Variants in IRAK1BP1 observed in about 807,000 individuals in gnomAD.
IRAK1BP1 encodes interleukin-1 receptor-associated kinase 1-binding protein 1.
Under a neutral mutation model 28.0 loss-of-function variants are expected in IRAK1BP1, and 24 were observed. That is an observed-to-expected ratio of 0.86 (90% CI 0.62 to 1.20). The LOEUF (loss-of-function observed/expected upper bound fraction) is 1.20. IRAK1BP1 is among the 50% of genes most tolerant of loss of function. IRAK1BP1 has a pLI of 0.00. For missense variants in IRAK1BP1, 336 were observed against 316.7 expected, an observed-to-expected ratio of 1.06 and a Z score of -0.46; for synonymous variants, 131 against 116.3, an observed-to-expected ratio of 1.13 and a Z score of -0.81.
intron 4 of IRAK1BP1, among the ~76,000 whole-genome samples, chr6:78,944,467 A>G (rs1169410694): frequency 1.3e-5 from 2 of 152,178 alleles, no homozygotes; most frequent in African/African-American, 4.8e-5. Flanking sequence ...CAAGCAAGAA[A>G]TTATGTAGGC....
At chr6:78,946,064 T>G (rs1185410694) in exon 5 of IRAK1BP1, 1 of 1,612,506 alleles carries the variant, frequency 6.2e-7, no homozygotes, top group Non-Finnish European at 8.5e-7. Flanking sequence ...GCTGAAGAAG[T>G]AGATGGTTGC....
rs928982153 is a variant in IRAK1BP1 at position 78,946,328 on chromosome 6, A to AT, written c.*993dup. The AT allele has an allele frequency of 3.4e-6, 5 of 1,468,000 alleles. No homozygotes were observed. In the African/African-American group the frequency reaches 5.7e-5, roughly 17 times the overall value. The allele number at this position is 1,468,000 out of a possible 1,614,324, so 90.9% of individuals were successfully genotyped here. ...GTGAACGAATAAAACAGTTTATAAT[A>AT]TTTTTGGATTCAATATTTGTACTAT... On this transcript the variant is annotated 3_prime_UTR_variant and NMD_transcript_variant, in exon 5 of 5. Transcript: ENST00000606868.
chr6:78,954,096 A>G, the IRAK1BP1 span, among the ~76,000 whole-genome samples: 1 of 152,112 alleles, frequency 6.6e-6, no homozygotes, highest in Non-Finnish European at 1.5e-5. Context: ...TTCACATTTA[A>G]AACTATTTTT....
chr6:78,916,422 A>T (rs1772562914), intron 4 of IRAK1BP1, among the ~76,000 whole-genome samples: 1 of 152,038 alleles, frequency 6.6e-6, no homozygotes, highest in Admixed American at 6.6e-5. Context: ...TGTAGAAGTC[A>T]CTCATCAATC....
In IRAK1BP1 at chr6:78,867,611, T is replaced by A. The variant is rs751448121; in HGVS notation, c.35T>A (p.Phe12Tyr). The A allele has an allele frequency of 2.5e-6, 4 of 1,614,208 alleles. No individual in the cohort carries two copies. In the South Asian group the frequency reaches 4.4e-5, roughly 18 times the overall value. The change falls in exon 1 of 4, where the codon TTC becomes TAC. Residue 12 changes from phenylalanine (F) to tyrosine (Y), a missense_variant. By Grantham distance (22) the Phe-to-Tyr change is conservative. Coordinates refer to ENST00000369940, the MANE Select transcript of IRAK1BP1 (RefSeq NM_001010844.4). ...SLQKTPPTRV[F>Y]VELVPWADRS... ...CAAAAGACCCCTCCGACCCGAGTGT[T>A]CGTGGAACTGGTTCCCTGGGCTGAC...
chr6:78,916,309 A>G (rs1439273409), intron 4 of IRAK1BP1, among the ~76,000 whole-genome samples: 1 of 152,014 alleles, frequency 6.6e-6, no homozygotes, highest in Non-Finnish European at 1.5e-5. Context: ...GATATCAGAA[A>G]ATGATTATGT....
intron 1 of IRAK1BP1, among the ~76,000 whole-genome samples, chr6:78,881,645 G>T (rs891120961): frequency 1.2e-4 from 18 of 152,130 alleles, no homozygotes; most frequent in South Asian, 2.1e-4. Flanking sequence ...ATAGGGGCAG[G>T]GACTGTCCTA....
At chr6:78,923,651 T>G (rs1005955775) in intron 4 of IRAK1BP1, among the ~76,000 whole-genome samples, 5 of 152,120 alleles carry the variant, frequency 3.3e-5, no homozygotes, top group African/African-American at 7.2e-5. Flanking sequence ...ATTCCAAAAT[T>G]GACCACATAG....
intron 4 of IRAK1BP1, among the ~76,000 whole-genome samples, chr6:78,909,252 A>G (rs750928117): frequency 6.6e-6 from 1 of 152,226 alleles, no homozygotes; most frequent in South Asian, 2.1e-4. Context: ...CAAGCCCATT[A>G]TAAGTTGAAA....
intron 4 of IRAK1BP1, among the ~76,000 whole-genome samples, chr6:78,934,721 A>G (rs944153960): frequency 6.6e-6 from 1 of 152,214 alleles, no homozygotes; most frequent in Non-Finnish European, 1.5e-5. Context: ...TAGACCTCAC[A>G]GATAATTTAA....
intron 4 of IRAK1BP1, among the ~76,000 whole-genome samples, chr6:78,915,465 C>G (rs978253947): frequency 7.2e-5 from 11 of 152,156 alleles, no homozygotes; most frequent in African/African-American, 2.4e-4. Flanking sequence ...GATCAAGGCC[C>G]GAGCAGCTGC....
chr6:78,946,326 A>G (rs1250916229), exon 5 of IRAK1BP1: 1 of 1,470,740 alleles, frequency 6.8e-7, no homozygotes, highest in Non-Finnish European at 9.2e-7. Context: ...ACAGTTTATA[A>G]TATTTTTGGA....
intron 4 of IRAK1BP1, among the ~76,000 whole-genome samples, chr6:78,934,298 CA>C (rs1228575393): frequency 1.3e-5 from 2 of 152,292 alleles, no homozygotes; most frequent in Non-Finnish European, 2.9e-5. Context: ...GGAAATATCG[CA>C]ATTACCAAAA....
At chr6:78,871,302 A>G (rs1770784281) in intron 1 of IRAK1BP1, 1 of 985,134 alleles carries the variant, frequency 1.0e-6, no homozygotes, top group Non-Finnish European at 1.2e-6. Context: ...TGCATATCTA[A>G]GTTCTAGTGC....
chr6:78,971,198 T>C, the IRAK1BP1 span, among the ~76,000 whole-genome samples: 93 of 152,396 alleles, frequency 6.1e-4, no homozygotes, highest in Middle Eastern at 3.4e-3. Flanking sequence ...CTAATAAGTT[T>C]ATTGTCCACT....
intron 4 of IRAK1BP1, among the ~76,000 whole-genome samples, chr6:78,934,007 A>G (rs937587820): frequency 2.0e-5 from 3 of 152,190 alleles, no homozygotes; most frequent in Non-Finnish European, 4.4e-5. Flanking sequence ...TTTTGATGAA[A>G]GTGAGAGACT....
intron 4 of IRAK1BP1, among the ~76,000 whole-genome samples, chr6:78,910,544 G>A (rs1040030219): frequency 5.3e-5 from 8 of 152,246 alleles, no homozygotes; most frequent in South Asian, 4.1e-4. Context: ...CGTAGACCTA[G>A]GTCGTGCGAT....
the IRAK1BP1 span, among the ~76,000 whole-genome samples, chr6:78,976,354 CACCTTAT>C: frequency 7.2e-6 from 1 of 138,970 alleles, no homozygotes; most frequent in Non-Finnish European, 1.6e-5. Flanking sequence ...CCCTTCCTTA[CACCTTAT>C]ACAAAAATCA....
chr6:78,878,332 G>GT (rs1771088587), intron 1 of IRAK1BP1, among the ~76,000 whole-genome samples: 1 of 152,220 alleles, frequency 6.6e-6, no homozygotes, highest in Non-Finnish European at 1.5e-5. Context: ...AACGTTTGCT[G>GT]TTCTGCAGTA....
Sources: gnomAD v4.1 joint callset for allele counts (sites outside exome capture counted in the v4.1 genomes callset) on GRCh38, gnomAD v4.1.1 for gene constraint, MANE v1.5 for transcripts, NCBI Gene and HGNC (gene_info 2026-07-23, HGNC 2026-07-21) for gene names.